The following SULT6B1 variants were observed in gnomAD, a reference collection of about 807,000 sequenced individuals.
SULT6B1 encodes sulfotransferase 6B1.
Under a neutral mutation model 37.2 loss-of-function variants are expected in SULT6B1, and 44 were observed. The ratio of observed to expected loss-of-function variants is 1.18; its 90% CI spans 0.93 to 1.52. The LOEUF is 1.52. Ranked by LOEUF, SULT6B1 falls within the 40% of genes most tolerant of loss-of-function variation. The pLI is 0.00. For missense variants in SULT6B1, 450 were observed against 361.0 expected (o/e 1.25, Z -2.00); for synonymous variants, 140 against 126.0 (o/e 1.11, Z -0.74).
intron 4 of SULT6B1, 94 bp from the exon 5 acceptor site, chr2:37,175,320 G>A: frequency 1.8e-5 from 10 of 560,980 alleles, no homozygotes; most frequent in East Asian, 3.3e-5. Context: ...CTATACATAT[G>A]TGTATATGCT....
chr2:37,186,006 G>A (rs549868155), intron 2 of SULT6B1, among the ~76,000 whole-genome samples: 2 of 152,156 alleles, frequency 1.3e-5, no homozygotes, highest in South Asian at 2.1e-4. Flanking sequence ...TCCAGGGCTC[G>A]GCACTTACCT....
At chr2:37,195,723 C>T (rs1266845173) in intron 1 of SULT6B1, among the ~76,000 whole-genome samples, 1 of 152,170 alleles carries the variant, frequency 6.6e-6, no homozygotes, top group Non-Finnish European at 1.5e-5. Context: ...TTCTTTTTCT[C>T]TTCTCTGTTT....
At chr2:37,184,464 C>A (rs1304965890) in intron 2 of SULT6B1, among the ~76,000 whole-genome samples, 1 of 152,178 alleles carries the variant, frequency 6.6e-6, no homozygotes, top group Non-Finnish European at 1.5e-5. Flanking sequence ...TTTTCACTTA[C>A]AATCAGACCA....
rs1558455674 is a variant in SULT6B1, at chr2:37,194,875, CCCTCCCTTCCTT to C, written c.-22+1629_-22+1640del. 4.5e-3 allele frequency: 367 copies of C among 81,606 alleles called. 7 individuals carry two copies. Among genetic ancestry groups the C allele is most frequent in the Non-Finnish European group, 7.6e-3 (306 of 40,424 alleles). The allele number at this position is 81,606 out of a possible 1,614,324, so 5.1% of individuals were successfully genotyped here. Reference sequence around the variant, plus strand: ...TTCCTCCCTCCCTCCCTCCCTCCCTCCCTCCCTTCCTTCCTTCCTTCTTTCCTTCCTTCCTTC... The same window carrying C: ...TTCCTCCCTCCCTCCCTCCCTCCCTCCCTTCCTTCTTTCCTTCCTTCCTTC... On this transcript the variant is annotated intron_variant, in intron 1 of 7. Transcript: ENST00000407963.
At chr2:37,177,430 A>AG (rs1676455180) in intron 4 of SULT6B1, among the ~76,000 whole-genome samples, 2 of 144,958 alleles carry the variant, frequency 1.4e-5, no homozygotes, top group Non-Finnish European at 3.0e-5. Flanking sequence ...AAAAAAAAAA[A>AG]AAAGAAAGAA....
chr2:37,188,145 A>G (rs931513916), intron 1 of SULT6B1, among the ~76,000 whole-genome samples: 10 of 152,166 alleles, frequency 6.6e-5, no homozygotes, highest in Non-Finnish European at 1.5e-4. Context: ...TGCCAACTGG[A>G]CTTTCCCACA....
intron 4 of SULT6B1, among the ~76,000 whole-genome samples, chr2:37,179,083 C>T (rs903254551): frequency 3.3e-5 from 5 of 152,124 alleles, no homozygotes; most frequent in East Asian, 1.9e-4. Flanking sequence ...TTCAGCTTCC[C>T]GAGTAGCTGG....
chr2:37,178,370 G>C (rs1019714405), intron 4 of SULT6B1, among the ~76,000 whole-genome samples: 1 of 151,996 alleles, frequency 6.6e-6, no homozygotes, highest in Non-Finnish European at 1.5e-5. Context: ...TAAGTAGCTG[G>C]GATTACAGGC....
intron 6 of SULT6B1, 119 bp downstream of exon 6, chr2:37,171,315 T>C (rs1676292256): frequency 8.0e-7 from 1 of 1,257,820 alleles, no homozygotes; most frequent in South Asian, 1.6e-5. Flanking sequence ...TCCAGACCTC[T>C]TACTGAGGCG....
At chr2:37,171,099 T>C (rs910576450) in intron 6 of SULT6B1, among the ~76,000 whole-genome samples, 1 of 151,950 alleles carries the variant, frequency 6.6e-6, no homozygotes, top group Non-Finnish European at 1.5e-5. Flanking sequence ...ATTAACTGGG[T>C]GTGGTGGCAC....
chr2:37,174,809 G>T (rs1676378443), intron 5 of SULT6B1, among the ~76,000 whole-genome samples: 1 of 151,762 alleles, frequency 6.6e-6, no homozygotes, highest in East Asian at 1.9e-4. Context: ...GGATAAATTA[G>T]TTCACAACCA....
At chr2:37,192,979 G>A (rs562089798), upstream of SULT6B1, among the ~76,000 whole-genome samples, 336 of 152,262 alleles carry the variant, frequency 2.2e-3, 3 homozygotes, top group Middle Eastern at 3.4e-3. Context: ...AACCTGTATC[G>A]TGTGATATGT....
intron 4 of SULT6B1, among the ~76,000 whole-genome samples, chr2:37,178,620 A>G (rs893867000): frequency 1.3e-5 from 2 of 152,152 alleles, no homozygotes; most frequent in African/African-American, 4.8e-5. Context: ...TTAAATTAAA[A>G]TAATGCATAG....
intron 2 of SULT6B1, among the ~76,000 whole-genome samples, chr2:37,185,727 A>AAAAAAAAAAC (rs1558451072): frequency 6.6e-6 from 1 of 150,434 alleles, no homozygotes; most frequent in African/African-American, 2.5e-5. Context: ...CAAAAAAAAA[A>AAAAAAAAAAC]AAAAAAAAAA....
At chr2:37,172,048 G>C (rs891304265) in intron 5 of SULT6B1, among the ~76,000 whole-genome samples, 1 of 104,162 alleles carries the variant, frequency 9.6e-6, no homozygotes, top group Non-Finnish European at 1.8e-5. Context: ...AAAACTTGAA[G>C]AATTTTTTTT....
intron 4 of SULT6B1, among the ~76,000 whole-genome samples, chr2:37,177,556 G>A (rs116735847): frequency 0.024 from 3,629 of 152,188 alleles, 65 homozygotes; most frequent in Middle Eastern, 0.058. Context: ...GCAGAAAATA[G>A]GGAGACAGAA....
chr2:37,187,747 A>G (rs1305352863), intron 1 of SULT6B1, among the ~76,000 whole-genome samples: 3 of 152,200 alleles, frequency 2.0e-5, no homozygotes, highest in Non-Finnish European at 4.4e-5. Flanking sequence ...CTTATAGGAC[A>G]ATGTTATGTT....
At chr2:37,173,409 C>T (rs1028764869) in intron 5 of SULT6B1, among the ~76,000 whole-genome samples, 9 of 152,096 alleles carry the variant, frequency 5.9e-5, no homozygotes, top group Admixed American at 1.3e-4. Flanking sequence ...ATTTCCATGG[C>T]TTTAAAGCAC....
rs57205863 is a variant in SULT6B1 at position 37,177,411 on chromosome 2, C to CA, written c.529+2046dup. Among the ~76,000 whole-genome samples, 195 of 76,080 alleles carry CA rather than the reference C, an allele frequency of 2.6e-3. 1 individual carries two copies. Among genetic ancestry groups the CA allele is most frequent in the Non-Finnish European group, 3.0e-3 (123 of 41,108 alleles). 49.9% of individuals were successfully genotyped at this position (76,080 alleles called of 152,430 possible). ...TAGGTGACAGAGTGAAATCTTGTCT[C>CA]AAAAAAAAAAAAAAAAAAAAAAGAA... On this transcript the variant is annotated intron_variant, in intron 4 of 6. Coordinates refer to ENST00000535679, the MANE Select transcript of SULT6B1 (RefSeq NM_001367551.1).
Sources: allele counts gnomAD v4.1 joint callset (sites outside exome capture counted in the v4.1 genomes callset), GRCh38; gene constraint gnomAD v4.1.1; transcripts MANE v1.5; gene names NCBI Gene and HGNC (gene_info 2026-07-23, HGNC 2026-07-21).